Variants in MECR observed in about 807,000 individuals in gnomAD.
MECR encodes enoyl-[acyl-carrier-protein] reductase, mitochondrial.
A neutral mutation model predicts 49.1 loss-of-function variants in MECR; 37 were observed. The ratio of observed to expected loss-of-function variants is 0.75; its 90% CI spans 0.58 to 0.99. The LOEUF is 0.99. MECR is among the 50% of genes least tolerant of loss of function. The pLI, the probability that MECR is intolerant of heterozygous loss-of-function variation, is 0.00. For synonymous variants in MECR, 198 were observed against 191.1 expected, an observed-to-expected ratio of 1.04 and a Z score of -0.30; for missense variants, 470 against 479.6, an observed-to-expected ratio of 0.98 and a Z score of 0.19.
At chr1:29,214,249 C>T (rs893890784) in intron 3 of MECR, among the ~76,000 whole-genome samples, 56 of 151,614 alleles carry the variant, frequency 3.7e-4, no homozygotes, top group Admixed American at 1.6e-3. Context: ...TTAGAAGAGA[C>T]GGGGTTTTAC....
chr1:29,176,025 G>A, the MECR span, among the ~76,000 whole-genome samples: 1 of 152,140 alleles, frequency 6.6e-6, no homozygotes, highest in Non-Finnish European at 1.5e-5. Context: ...GGCCGAGGCA[G>A]GTGGATCATG....
At chr1:29,182,220 C>T in the MECR span, among the ~76,000 whole-genome samples, 1 of 152,210 alleles carries the variant, frequency 6.6e-6, no homozygotes, top group East Asian at 1.9e-4. Context: ...GATTTCGGAG[C>T]TGGAGCTTTG....
the MECR span, among the ~76,000 whole-genome samples, chr1:29,176,569 T>C: frequency 3.3e-5 from 5 of 151,728 alleles, no homozygotes; most frequent in African/African-American, 9.7e-5. Flanking sequence ...ACTAACTATA[T>C]ACTTCCTAAT....
In MECR at chr1:29,201,906, C is replaced by T. The variant is rs755951097; in HGVS notation, c.756+37G>A. ...TGTCAACTTTCTTCAGGGAGATGTG[C>T]GTGGACTGGAGGGGCAATGTCCCTC... is the stretch of plus-strand genomic sequence containing the variant. On this transcript the variant is annotated intron_variant, in intron 6 of 9. Coordinates refer to ENST00000263702, the MANE Select transcript of MECR (RefSeq NM_016011.5). This position sits in a 1 kb window ranked among gnomAD's most constrained non-coding sequence, Gnocchi z 4.3. The T allele has an allele frequency of 1.3e-4, 195 of 1,496,594 alleles. No homozygotes were observed. Among genetic ancestry groups the T allele is most frequent in the Non-Finnish European group, 1.7e-4 (181 of 1,073,368 alleles). The allele number at this position is 1,496,594 out of a possible 1,614,324, so 92.7% of individuals were successfully genotyped here.
In MECR at chr1:29,230,797, G is replaced by A. The variant is rs763624739; in HGVS notation, c.110C>T (p.Ser37Phe). Residue 37 changes from serine to phenylalanine, a missense_variant, in exon 1 of 10, where the codon TCC (serine) becomes TTC (phenylalanine). Transcript: ENST00000263702. ...HGPAASSYSA[S>F]AEPARVRALV... ...CGCCCGGACCCGGGCAGGCTCGGCG[G>A]ATGCGGAGTAGGAGGAGGCGGCAGG... 2 of 1,606,894 alleles carry A rather than the reference G, an allele frequency of 1.2e-6. No individual in the cohort carries two copies. The highest frequency in any genetic ancestry group is 1.1e-5 in the South Asian group (1 of 90,258).
intron 3 of MECR, among the ~76,000 whole-genome samples, chr1:29,213,393 C>T (rs548696816): frequency 6.7e-6 from 1 of 150,182 alleles, no homozygotes; most frequent in East Asian, 2.2e-4. Flanking sequence ...TAGTAGACTC[C>T]TATTACTGTT....
At chr1:29,218,101 T>C (rs1209310259) in intron 1 of MECR, among the ~76,000 whole-genome samples, 2 of 152,234 alleles carry the variant, frequency 1.3e-5, no homozygotes, top group Admixed American at 6.5e-5. Flanking sequence ...GGTAAGTCCC[T>C]CTGCTCATGG....
At chr1:29,213,308 C>T (rs1171607321) in intron 3 of MECR, among the ~76,000 whole-genome samples, 1 of 152,242 alleles carries the variant, frequency 6.6e-6, no homozygotes, top group Non-Finnish European at 1.5e-5. Context: ...TGAGCTCCTT[C>T]ACCGCCAGGT....
At position 29,215,893 on chromosome 1, in the gene MECR, A is replaced by T. The variant is rs924588001; in HGVS notation, c.406+112T>A. ...TCTCAAAATAAATAAATAAATAAAA[A>T]AAATAAACCCTGCATTACCCAGGTA... On this transcript the variant is annotated intron_variant, in intron 3 of 9. Transcript: ENST00000263702. 2.3e-6 allele frequency: 3 copies of T among 1,289,942 alleles called. No individual in the cohort carries two copies. The African/African-American group carries it at 4.5e-5, about 19-fold the overall frequency. 79.9% of individuals were successfully genotyped at this position (1,289,942 alleles called of 1,614,324 possible). A position where few individuals can be genotyped will look rare whatever the true frequency, so the allele number is the denominator to read the frequency against.
chr1:29,171,779 T>A, the MECR span: 1 of 152,176 alleles, frequency 6.6e-6, no homozygotes, highest in Admixed American at 6.5e-5. Flanking sequence ...CGAGTCTATA[T>A]CCTGTGCCTA....
chr1:29,181,685 T>C, the MECR span: 1 of 1,597,054 alleles, frequency 6.3e-7, no homozygotes, highest in Non-Finnish European at 8.5e-7. Context: ...CCCGTAGCCC[T>C]TAAAGAAGCG....
At chr1:29,172,999 G>T in the MECR span, 1 of 152,028 alleles carries the variant, frequency 6.6e-6, no homozygotes, top group South Asian at 2.1e-4. Flanking sequence ...TAAAAAAAGC[G>T]TGACACAAAA....
the MECR span, chr1:29,170,007 T>G: frequency 1.3e-5 from 2 of 152,240 alleles, no homozygotes; most frequent in Non-Finnish European, 2.9e-5. Flanking sequence ...ACACTGCAAA[T>G]AGTTTGTGGA....
At chr1:29,227,244 T>C (rs1289096245) in intron 1 of MECR, among the ~76,000 whole-genome samples, 1 of 152,170 alleles carries the variant, frequency 6.6e-6, no homozygotes, top group African/African-American at 2.4e-5. Flanking sequence ...ATTACAGGCA[T>C]GAGCCACCAT....
chr1:29,180,855 G>A, the MECR span, among the ~76,000 whole-genome samples: 4 of 152,212 alleles, frequency 2.6e-5, no homozygotes, highest in Non-Finnish European at 5.9e-5. Context: ...GGGGGAGGCA[G>A]TAAGTTAACA....
chr1:29,228,773 AT>A (rs1423331759), intron 1 of MECR: 1 of 152,122 alleles, frequency 6.6e-6, no homozygotes, highest in Non-Finnish European at 1.5e-5. Flanking sequence ...AGGCAACTGC[AT>A]TCAGCTGAAC....
At chr1:29,173,842 T>C in the MECR span, among the ~76,000 whole-genome samples, 13 of 152,016 alleles carry the variant, frequency 8.6e-5, no homozygotes, top group Non-Finnish European at 1.6e-4. Flanking sequence ...TCTAAACATT[T>C]TAATTAGAAA....
chr1:29,218,375 T>C (rs1290282594), intron 1 of MECR, among the ~76,000 whole-genome samples: 1 of 152,262 alleles, frequency 6.6e-6, no homozygotes, highest in Admixed American at 6.5e-5. Context: ...ATGTTTGCAA[T>C]GCTTCCCTCT....
chr1:29,201,309 T>A lies in MECR; in HGVS notation c.756+634A>T, dbSNP rs1387241127. ...AATGTTCGCAAGAAGCGCATGCTCT[T>A]GAGTGTGTGTCTTTGGTTCCTCCAG... On this transcript the variant is annotated intron_variant, in intron 6 of 9. Transcript: ENST00000263702. The surrounding 1 kb of genome is among the most constrained non-coding windows in gnomAD (Gnocchi z 4.3). 4.0e-6 allele frequency: 2 copies of A among 505,060 alleles called. No homozygotes were observed. Among genetic ancestry groups the A allele is most frequent in the Non-Finnish European group, 8.0e-6 (2 of 250,116 alleles). 31.3% of individuals were successfully genotyped at this position (505,060 alleles called of 1,614,324 possible). A position where few individuals can be genotyped will look rare whatever the true frequency, so the allele number is the denominator to read the frequency against.
Sources: gnomAD v4.1 joint callset for allele counts (sites outside exome capture counted in the v4.1 genomes callset) on GRCh38, gnomAD v4.1.1 for gene constraint, Gnocchi (gnomAD v3.1) non-coding constraint, MANE v1.5 for transcripts, NCBI Gene and HGNC (gene_info 2026-07-23, HGNC 2026-07-21) for gene names.